Variants in RPS6KA3 observed in about 807,000 individuals in gnomAD.
The protein encoded by RPS6KA3 is ribosomal protein S6 kinase alpha-3.
A neutral mutation model predicts 67.2 loss-of-function variants in RPS6KA3; 4 were observed. The observed-to-expected ratio is 0.06, with a 90% CI of 0.03 to 0.14. RPS6KA3 has a LOEUF of 0.14. Ranked by LOEUF, RPS6KA3 falls within the 10% of genes least tolerant of loss-of-function variation. The probability of loss-of-function intolerance (pLI) is 1.00; values close to 1 mark genes in which losing one functional copy is unlikely to be tolerated. For synonymous variants in RPS6KA3, 182 were observed against 183.7 expected (o/e 0.99, Z 0.07); for missense variants, 204 against 559.0 (o/e 0.36, Z 6.40).
chrX:20,254,004 C>T (rs1193225878), intron 1 of RPS6KA3, among the ~76,000 whole-genome samples: 4 of 111,532 alleles, frequency 3.6e-5, no homozygotes, highest in Non-Finnish European at 7.5e-5. Context: ...TTTAATTTGC[C>T]TATGACATTT....
In RPS6KA3 at chrX:20,172,857, G is replaced by A. The variant is rs142680221; in HGVS notation, c.1242C>T (p.Asn414=). The change falls in exon 15 of 22, where the codon AAC becomes AAT. Residue 414 remains asparagine, a synonymous_variant. Transcript: ENST00000379565. ...CATATCCATCAGTAAACTGAATACTGTTCCTGTGTAACTGCTACAAAAAAT... is the reference window on the plus strand; with the variant it reads ...CATATCCATCAGTAAACTGAATACTATTCCTGTGTAACTGCTACAAAAAAT... ...VHSIVQQLHR[N]SIQFTDGYEV... is the part of the protein sequence containing the mutation. 1.3e-4 allele frequency: 162 copies of A among 1,204,571 alleles called. No individual in the cohort carries two copies. Among genetic ancestry groups the A allele is most frequent in the Non-Finnish European group, 1.7e-4 (150 of 890,403 alleles).
At chrX:20,187,208 C>T (rs1235650406) in intron 9 of RPS6KA3, among the ~76,000 whole-genome samples, 10 of 110,033 alleles carry the variant, frequency 9.1e-5, no homozygotes, top group African/African-American at 2.7e-4. Flanking sequence ...TGAGCCACCG[C>T]GCCCGGCAGA....
At chrX:20,233,573 T>C (rs1280696537) in intron 2 of RPS6KA3, among the ~76,000 whole-genome samples, 1 of 109,442 alleles carries the variant, frequency 9.1e-6, no homozygotes, top group Non-Finnish European at 1.9e-5. Context: ...ACCCCATCTG[T>C]ACAAAAAACA....
At chrX:20,259,125 A>T (rs764950138) in intron 1 of RPS6KA3, among the ~76,000 whole-genome samples, 1 of 111,984 alleles carries the variant, frequency 8.9e-6, no homozygotes, top group South Asian at 3.7e-4. Flanking sequence ...GAGACCAGAA[A>T]AAGAGTGAGG....
In RPS6KA3 at chrX:20,176,244, C is replaced by A; in HGVS notation, c.1102+6G>T. The A allele has an allele frequency of 9.5e-7, 1 of 1,051,138 alleles. No individual in the cohort carries two copies. The highest frequency in any genetic ancestry group is 1.9e-5 in the South Asian group (1 of 53,645). 86.6% of individuals were successfully genotyped at this position (1,051,138 alleles called of 1,213,427 possible). On this transcript the variant is annotated splice_donor_region_variant and intron_variant, in intron 13 of 21. Coordinates refer to ENST00000379565, the MANE Select transcript of RPS6KA3 (RefSeq NM_004586.3). Reference sequence around the variant, plus strand: ...TTATATTTGGATTTTCACATTTTCTCCTTACCTTTGGGAGTTTTTGCAGTA... The same window carrying A: ...TTATATTTGGATTTTCACATTTTCTACTTACCTTTGGGAGTTTTTGCAGTA...
intron 1 of RPS6KA3, among the ~76,000 whole-genome samples, chrX:20,254,901 T>C (rs1232073198): frequency 1.8e-5 from 2 of 111,992 alleles, no homozygotes; most frequent in South Asian, 7.4e-4. Context: ...TGTAAAATGG[T>C]ACAGGCCAGC....
chrX:20,176,188 G>T lies in RPS6KA3; in HGVS notation c.1102+62C>A, dbSNP rs767071609. ...GCCCAGAGTCTGGAAAAGATTTTCT[G>T]ATGAAACAAGAAAAAAACATATTTG... is the stretch of plus-strand genomic sequence containing the variant. On this transcript the variant is annotated intron_variant, in intron 13 of 21. Coordinates refer to ENST00000379565, the MANE Select transcript of RPS6KA3 (RefSeq NM_004586.3). 89 of 788,786 alleles carry T rather than the reference G, an allele frequency of 1.1e-4. No homozygotes were observed. The African/African-American group carries it at 1.6e-3, about 14-fold the overall frequency. The allele number at this position is 788,786 out of a possible 1,213,427, so 65.0% of individuals were successfully genotyped here. A position where few individuals can be genotyped will look rare whatever the true frequency, so the allele number is the denominator to read the frequency against.
chrX:20,238,285 T>C (rs1005990018), intron 1 of RPS6KA3, among the ~76,000 whole-genome samples: 8 of 111,586 alleles, frequency 7.2e-5, no homozygotes, highest in Non-Finnish European at 1.5e-4. Context: ...AATAAACTTA[T>C]GTTAATGCAG....
intron 1 of RPS6KA3, among the ~76,000 whole-genome samples, chrX:20,237,718 G>C (rs1283682192): frequency 9.0e-6 from 1 of 111,711 alleles, no homozygotes; most frequent in East Asian, 2.8e-4. Flanking sequence ...CTAAGGTGAG[G>C]TAGCTTCATG....
chrX:20,186,234 G>T lies in RPS6KA3; in HGVS notation c.845+62C>A, dbSNP rs182512569. The T allele has an allele frequency of 6.3e-6, 5 of 795,715 alleles. No individual in the cohort carries two copies. In the East Asian group the frequency reaches 1.6e-4, roughly 26 times the overall value. 65.6% of individuals were successfully genotyped at this position (795,715 alleles called of 1,213,427 possible). On this transcript the variant is annotated intron_variant, in intron 10 of 21. Transcript: ENST00000379565. Reference sequence around the variant, plus strand: ...TGGGATTACAGGCATGAGCCACAGCGCCCAGCCTGAAGCATTTATTTTAAA... The same window carrying T: ...TGGGATTACAGGCATGAGCCACAGCTCCCAGCCTGAAGCATTTATTTTAAA...
intron 2 of RPS6KA3, among the ~76,000 whole-genome samples, chrX:20,217,261 T>A (rs769785184): frequency 1.8e-5 from 2 of 112,293 alleles, no homozygotes; most frequent in South Asian, 7.3e-4. Flanking sequence ...GAAAAAATAA[T>A]CTAATGTTTC....
At chrX:20,239,113 G>A (rs945404546) in intron 1 of RPS6KA3, among the ~76,000 whole-genome samples, 1 of 111,368 alleles carries the variant, frequency 9.0e-6, no homozygotes, top group African/African-American at 3.2e-5. Flanking sequence ...GTCACTTACT[G>A]GTGTAGTTAC....
At chrX:20,248,402 G>C (rs1360415446) in intron 1 of RPS6KA3, among the ~76,000 whole-genome samples, 1 of 112,150 alleles carries the variant, frequency 8.9e-6, no homozygotes, top group Non-Finnish European at 1.9e-5. Context: ...TAAGTATTAA[G>C]GACATACCCT....
At chrX:20,266,002 G>A (rs983686995) in intron 1 of RPS6KA3, 2 of 111,664 alleles carry the variant, frequency 1.8e-5, no homozygotes, top group Non-Finnish European at 3.7e-5. Flanking sequence ...CTTTGCAGCA[G>A]CAGAAACCGC....
chrX:20,226,267 G>C (rs2069119045), intron 2 of RPS6KA3, among the ~76,000 whole-genome samples: 1 of 112,022 alleles, frequency 8.9e-6, no homozygotes, highest in South Asian at 3.7e-4. Context: ...CAAAAGAAGA[G>C]ATTAAGTGTG....
chrX:20,164,806 CTTCAA>C (rs1333559756), intron 18 of RPS6KA3, 88 bp downstream of exon 18: 4 of 703,274 alleles, frequency 5.7e-6, no homozygotes, highest in East Asian at 3.4e-5. Flanking sequence ...TTCAGTAAGT[CTTCAA>C]TTAAATTATT....
chrX:20,170,657 G>C (rs1278071150), intron 15 of RPS6KA3, among the ~76,000 whole-genome samples: 2 of 110,487 alleles, frequency 1.8e-5, no homozygotes, highest in Non-Finnish European at 3.8e-5. Flanking sequence ...TGTTGCCCAG[G>C]GTGGAGTGTA....
intron 14 of RPS6KA3, among the ~76,000 whole-genome samples, chrX:20,174,447 C>T (rs1165466266): frequency 9.6e-6 from 1 of 104,419 alleles, no homozygotes; most frequent in East Asian, 3.0e-4. Flanking sequence ...CTCCCGGGTT[C>T]AAGTGATTCT....
At chrX:20,209,194 GGT>G (rs1266911887) in intron 3 of RPS6KA3, 92 bp downstream of exon 3, 4 of 560,473 alleles carry the variant, frequency 7.1e-6, no homozygotes, top group Non-Finnish European at 9.6e-6. Flanking sequence ...TAGGAAGACT[GGT>G]AGCATTTCAT....
Sources: allele counts gnomAD v4.1 joint callset (sites outside exome capture counted in the v4.1 genomes callset), GRCh38; gene constraint gnomAD v4.1.1; transcripts MANE v1.5; gene names NCBI Gene and HGNC (gene_info 2026-07-23, HGNC 2026-07-21).